Variants in LRRC49 observed in about 807,000 individuals in gnomAD.
The protein encoded by LRRC49 is leucine-rich repeat-containing protein 49.
LRRC49 carries 50 observed loss-of-function variants against 83.3 expected under a neutral mutation model. The ratio of observed to expected loss-of-function variants is 0.60; its 90% CI spans 0.48 to 0.76. The LOEUF (loss-of-function observed/expected upper bound fraction) is 0.76. Ranked by LOEUF, LRRC49 falls within the 30% of genes least tolerant of loss-of-function variation. LRRC49 has a pLI of 0.00. For synonymous variants in LRRC49, 286 were observed against 283.3 expected, an observed-to-expected ratio of 1.01 and a Z score of -0.10; for missense variants, 704 against 809.1, an observed-to-expected ratio of 0.87 and a Z score of 1.58.
At chr15:70,968,640 A>G (rs1377539835) in intron 9 of LRRC49, among the ~76,000 whole-genome samples, 1 of 152,160 alleles carries the variant, frequency 6.6e-6, no homozygotes, top group East Asian at 1.9e-4. Flanking sequence ...TCTCTCCGGC[A>G]TCTGTTGTTT....
intron 7 of LRRC49, among the ~76,000 whole-genome samples, chr15:70,926,930 A>G (rs527475287): frequency 2.0e-5 from 3 of 152,228 alleles, no homozygotes; most frequent in Non-Finnish European, 4.4e-5. Flanking sequence ...AAGGATATGA[A>G]CAGACACTTC....
At chr15:71,004,517 G>A (rs1437886965) in intron 11 of LRRC49, among the ~76,000 whole-genome samples, 1 of 152,062 alleles carries the variant, frequency 6.6e-6, no homozygotes, top group Non-Finnish European at 1.5e-5. Flanking sequence ...GGGCAAGGTG[G>A]CATGTGCCTG....
intron 1 of LRRC49, among the ~76,000 whole-genome samples, chr15:70,864,474 G>T (rs942422895): frequency 1.3e-5 from 2 of 152,096 alleles, no homozygotes; most frequent in African/African-American, 2.4e-5. Context: ...AAGGCCTAGA[G>T]CATTCTGGCT....
chr15:70,992,964 G>T (rs1241906748), intron 11 of LRRC49, among the ~76,000 whole-genome samples: 1 of 152,186 alleles, frequency 6.6e-6, no homozygotes. Flanking sequence ...GTTCAGCTAT[G>T]CCCTGCCTGC....
chr15:70,898,388 A>G, intron 3 of LRRC49: 1 of 701,412 alleles, frequency 1.4e-6, no homozygotes, highest in South Asian at 1.5e-5. Context: ...AATATAAAGA[A>G]TGTAAAATGA....
upstream of LRRC49, chr15:70,892,388 C>A (rs562942464): frequency 5.2e-6 from 8 of 1,544,550 alleles, no homozygotes; most frequent in Admixed American, 1.2e-4. Context: ...CACTCCGGGT[C>A]GGGATTGTTT....
At position 70,900,943 on chromosome 15, in the gene LRRC49, G is replaced by A. The variant is rs764714183; in HGVS notation, c.215G>A (p.Ser72Asn). The stretch of plus-strand genomic sequence containing the variant: ...ATAGGTGATCATATTAATTTGGTGA[G>A]CTCATCATTGTCATCATTTCCTATT... ...SRQGDHINLV[S>N]SSLSSFPILQ... The change falls in exon 4 of 16, where the codon AGC (serine) becomes AAC (asparagine). Residue 72 changes from serine (S) to asparagine (N), a missense_variant. This residue lies in a region of LRRC49 where 261 missense variants were observed against 330.5 expected (regional missense o/e 0.79). Transcript: ENST00000260382. 3.2e-5 allele frequency: 51 copies of A among 1,604,986 alleles called. No individual in the cohort carries two copies. Among genetic ancestry groups the A allele is most frequent in the Non-Finnish European group, 3.8e-5 (45 of 1,173,830 alleles).
At chr15:71,043,198 T>C (rs1276461034) in intron 15 of LRRC49, among the ~76,000 whole-genome samples, 1 of 152,216 alleles carries the variant, frequency 6.6e-6, no homozygotes, top group African/African-American at 2.4e-5. Flanking sequence ...TCAATCTCTA[T>C]AGACCTTGTT....
At chr15:70,966,629 A>G (rs1015915608) in intron 9 of LRRC49, among the ~76,000 whole-genome samples, 1 of 152,028 alleles carries the variant, frequency 6.6e-6, no homozygotes, top group Admixed American at 6.6e-5. Flanking sequence ...CTATTTACAT[A>G]TATTATTTTT....
intron 11 of LRRC49, among the ~76,000 whole-genome samples, chr15:70,997,917 A>T (rs1303796973): frequency 6.6e-6 from 1 of 151,972 alleles, no homozygotes; most frequent in African/African-American, 2.4e-5. Flanking sequence ...CTTCTTTTGT[A>T]TTTAACTGAT....
rs546335571 is a variant in LRRC49, at chr15:71,049,033, A to G, written c.1858-376A>G. 2.6e-5 allele frequency among the ~76,000 whole-genome samples: 4 copies of G among 152,326 alleles called. No homozygotes were observed. In the South Asian group the frequency reaches 6.2e-4, roughly 24 times the overall value. On this transcript the variant is annotated intron_variant, in intron 15 of 15. Transcript: ENST00000260382. The stretch of plus-strand genomic sequence containing the variant: ...TATCATACCAATTGAAATTGTCACT[A>G]TCTGTATCCTGATACATTTACCACA...
chr15:71,025,541 G>GC (rs2039137574), intron 14 of LRRC49, among the ~76,000 whole-genome samples: 1 of 152,102 alleles, frequency 6.6e-6, no homozygotes, highest in South Asian at 2.1e-4. Flanking sequence ...TGGGCTAAAT[G>GC]CCCCAATTAA....
chr15:71,042,356 G>T (rs569549198), intron 15 of LRRC49, among the ~76,000 whole-genome samples: 1 of 152,092 alleles, frequency 6.6e-6, no homozygotes, highest in South Asian at 2.1e-4. Context: ...TAAGCTATAA[G>T]AAAGTAAAGA....
At chr15:71,029,321 T>C (rs1405157596) in intron 14 of LRRC49, among the ~76,000 whole-genome samples, 1 of 152,192 alleles carries the variant, frequency 6.6e-6, no homozygotes, top group African/African-American at 2.4e-5. Context: ...GATTGTTCAA[T>C]TTCCATGTAG....
intron 8 of LRRC49, among the ~76,000 whole-genome samples, chr15:70,943,017 A>G (rs1174396394): frequency 6.6e-6 from 1 of 151,904 alleles, no homozygotes; most frequent in Non-Finnish European, 1.5e-5. Flanking sequence ...TCTCGTTAAT[A>G]TATGTTTCAA....
chr15:71,021,631 G>C (rs981534076), intron 14 of LRRC49, among the ~76,000 whole-genome samples: 22 of 152,094 alleles, frequency 1.4e-4, no homozygotes, highest in African/African-American at 5.1e-4. Flanking sequence ...CTTCAGCTGG[G>C]GTCCTCATGT....
At chr15:70,957,947 A>G (rs2036461066) in intron 8 of LRRC49, among the ~76,000 whole-genome samples, 1 of 152,234 alleles carries the variant, frequency 6.6e-6, no homozygotes. Flanking sequence ...GATATAATTT[A>G]CATATAATAA....
intron 14 of LRRC49, among the ~76,000 whole-genome samples, chr15:71,029,327 T>G (rs904493822): frequency 5.9e-5 from 9 of 152,070 alleles, no homozygotes; most frequent in African/African-American, 2.2e-4. Context: ...TCAATTTCCA[T>G]GTAGTTTGGA....
intron 14 of LRRC49, among the ~76,000 whole-genome samples, chr15:71,036,872 G>C (rs1418100008): frequency 1.3e-5 from 2 of 151,954 alleles, no homozygotes; most frequent in African/African-American, 4.8e-5. Flanking sequence ...TATCTTTTTG[G>C]GTTGTTTTGT....
Sources: allele counts gnomAD v4.1 joint callset (sites outside exome capture counted in the v4.1 genomes callset), GRCh38; gene constraint gnomAD v4.1.1; regional missense constraint gnomAD v4.1.1; transcripts MANE v1.5; gene names NCBI Gene and HGNC (gene_info 2026-07-23, HGNC 2026-07-21).